The following FSTL5 variants were observed in gnomAD, a reference collection of about 807,000 sequenced individuals.
FSTL5 encodes follistatin-related protein 5.
A neutral mutation model predicts 89.1 loss-of-function variants in FSTL5; 62 were observed. The observed-to-expected ratio is 0.70, with a 90% CI of 0.57 to 0.86. The LOEUF is 0.86. Ranked by LOEUF, FSTL5 falls within the 40% of genes least tolerant of loss-of-function variation. The pLI is 0.00. For synonymous variants in FSTL5, 383 were observed against 346.2 expected (o/e 1.11, Z -1.18); for missense variants, 1,057 against 1,001.6 (o/e 1.06, Z -0.75).
intron 10 of FSTL5, among the ~76,000 whole-genome samples, chr4:161,517,597 G>A (rs968515352): frequency 4.7e-5 from 7 of 148,404 alleles, no homozygotes; most frequent in Admixed American, 4.1e-4. Flanking sequence ...ATAAAGAAAC[G>A]TATGTGGAGA....
At chr4:161,829,102 A>C (rs553635018) in intron 4 of FSTL5, among the ~76,000 whole-genome samples, 2 of 148,298 alleles carry the variant, frequency 1.3e-5, no homozygotes, top group South Asian at 4.2e-4. Context: ...TTTTTCAAAA[A>C]AAAATTAGAC....
At position 162,033,566 on chromosome 4, in the gene FSTL5, T is replaced by C. The variant is rs536634605; in HGVS notation, c.160+59A>G. 57 of 867,494 alleles carry C rather than the reference T, an allele frequency of 6.6e-5. No individual in the cohort carries two copies. In the South Asian group the frequency reaches 8.4e-4, roughly 13 times the overall value. The allele number at this position is 867,494 out of a possible 1,614,324, so 53.7% of individuals were successfully genotyped here. On this transcript the variant is annotated intron_variant, in intron 3 of 15. Coordinates refer to ENST00000306100, the MANE Select transcript of FSTL5 (RefSeq NM_020116.5). The stretch of plus-strand genomic sequence containing the variant: ...TTTTTATTCAAAGTAGCATCACATA[T>C]CTTTTTTCTTTCTGTTATGAACTTA...
chr4:162,074,987 T>G (rs1471391228), intron 2 of FSTL5, among the ~76,000 whole-genome samples: 1 of 151,762 alleles, frequency 6.6e-6, no homozygotes. Flanking sequence ...TATTGAATAC[T>G]GTTTTTTACT....
intron 6 of FSTL5, among the ~76,000 whole-genome samples, chr4:161,688,322 A>G (rs777956216): frequency 6.6e-6 from 1 of 152,054 alleles, no homozygotes; most frequent in Non-Finnish European, 1.5e-5. Flanking sequence ...TCTTCAAGTG[A>G]TCCTCCTGCC....
rs191156151 is a variant in FSTL5 at position 161,965,916 on chromosome 4, C to T, written c.161-45264G>A. The stretch of plus-strand genomic sequence containing the variant: ...TCATGGTTTATAAAGTTCCTACATA[C>T]TTAGCTTATAAACTTAAGGACTATT... On this transcript the variant is annotated intron_variant, in intron 3 of 15. Transcript: ENST00000306100. 2.3e-3 allele frequency among the ~76,000 whole-genome samples: 345 copies of T among 152,192 alleles called. 2 individuals are homozygous for T. Among genetic ancestry groups the T allele is most frequent in the African/African-American group, 8.0e-3 (331 of 41,550 alleles).
rs1239399840 is a variant in FSTL5, at chr4:161,386,777, C to T, written c.1842-328G>A. 2.3e-5 allele frequency: 5 copies of T among 217,350 alleles called. 1 individual carries two copies. The South Asian group carries it at 3.3e-4, about 14-fold the overall frequency. The allele number at this position is 217,350 out of a possible 1,614,324, so 13.5% of individuals were successfully genotyped here. On this transcript the variant is annotated intron_variant, in intron 15 of 15. Coordinates refer to ENST00000306100, the MANE Select transcript of FSTL5 (RefSeq NM_020116.5). ...ATACATTATTCTGTAAGTCTCTAGA[C>T]CATGTAATATTAAATAAGCTTGGTT...
intron 2 of FSTL5, among the ~76,000 whole-genome samples, chr4:162,063,381 AT>A (rs1251891242): frequency 6.6e-6 from 1 of 151,842 alleles, no homozygotes; most frequent in African/African-American, 2.4e-5. Flanking sequence ...CAAAACAGTG[AT>A]TCGATTTTAA....
chr4:161,403,745 T>A (rs539915936), intron 15 of FSTL5, among the ~76,000 whole-genome samples: 119 of 152,282 alleles, frequency 7.8e-4, no homozygotes, highest in Non-Finnish European at 1.4e-3. Context: ...CATTCCATTT[T>A]AAAAATATCT....
chr4:162,062,091 CATG>C (rs1738735422), intron 2 of FSTL5, among the ~76,000 whole-genome samples: 1 of 151,606 alleles, frequency 6.6e-6, no homozygotes, highest in African/African-American at 2.4e-5. Context: ...GAATTGTGTC[CATG>C]ATGTCGAAAT....
chr4:162,095,447 C>T (rs1446196611), intron 2 of FSTL5, among the ~76,000 whole-genome samples: 1 of 152,086 alleles, frequency 6.6e-6, no homozygotes, highest in African/African-American at 2.4e-5. Flanking sequence ...TCATTAGAAT[C>T]CTTTTTCAGT....
At chr4:161,619,092 G>C (rs189416005) in intron 7 of FSTL5, among the ~76,000 whole-genome samples, 1,604 of 152,178 alleles carry the variant, frequency 0.011, 80 homozygotes, top group East Asian at 0.1. Context: ...AATGGGGAAA[G>C]GATTCCCTAT....
chr4:162,095,140 T>C (rs1024940218), intron 2 of FSTL5, among the ~76,000 whole-genome samples: 9 of 152,128 alleles, frequency 5.9e-5, no homozygotes, highest in African/African-American at 2.2e-4. Context: ...AATGAGTTTA[T>C]TATACTTCAT....
intron 1 of FSTL5, among the ~76,000 whole-genome samples, chr4:162,141,363 T>C (rs1038567144): frequency 4.6e-5 from 4 of 87,534 alleles, no homozygotes; most frequent in African/African-American, 7.7e-5. Context: ...GATCCGCCCG[T>C]CTCGGCCTCC....
At chr4:161,611,484 T>A (rs1355311863) in intron 7 of FSTL5, among the ~76,000 whole-genome samples, 1 of 152,008 alleles carries the variant, frequency 6.6e-6, no homozygotes, top group Non-Finnish European at 1.5e-5. Context: ...AATTTAGCAA[T>A]GTGTTACATG....
chr4:162,005,411 C>A (rs1736587984), intron 3 of FSTL5, among the ~76,000 whole-genome samples: 1 of 152,066 alleles, frequency 6.6e-6, no homozygotes, highest in Non-Finnish European at 1.5e-5. Context: ...TCTTTGGTAG[C>A]CCGCCACCTA....
At chr4:161,655,291 T>A (rs189361061) in intron 7 of FSTL5, among the ~76,000 whole-genome samples, 66 of 151,380 alleles carry the variant, frequency 4.4e-4, no homozygotes, top group African/African-American at 1.5e-3. Flanking sequence ...TCTGAGAGCT[T>A]TTTTTTTTCT....
chr4:162,150,717 G>T (rs1308638879), intron 1 of FSTL5, among the ~76,000 whole-genome samples: 1 of 152,088 alleles, frequency 6.6e-6, no homozygotes, highest in African/African-American at 2.4e-5. Context: ...TGAATGTATT[G>T]ATGTAATCAT....
chr4:162,005,785 G>A (rs541708836), intron 3 of FSTL5, among the ~76,000 whole-genome samples: 1 of 152,194 alleles, frequency 6.6e-6, no homozygotes, highest in East Asian at 1.9e-4. Flanking sequence ...TATGGGATAA[G>A]CACTCTTTGC....
chr4:161,494,058 G>A (rs553629273), intron 12 of FSTL5, among the ~76,000 whole-genome samples: 27 of 152,222 alleles, frequency 1.8e-4, no homozygotes, highest in African/African-American at 6.5e-4. Context: ...GTCAAGCACC[G>A]ATTTCTTAAA....
Sources: gnomAD v4.1 joint callset for allele counts (sites outside exome capture counted in the v4.1 genomes callset) on GRCh38, gnomAD v4.1.1 for gene constraint, MANE v1.5 for transcripts, NCBI Gene and HGNC (gene_info 2026-07-23, HGNC 2026-07-21) for gene names.